Variants in ADD2 observed in about 807,000 individuals in gnomAD.
ADD2 encodes beta-adducin.
Under a neutral mutation model 83.0 loss-of-function variants are expected in ADD2, and 23 were observed. That is an observed-to-expected ratio of 0.28 (90% confidence interval 0.20 to 0.39). ADD2 has a LOEUF of 0.39. ADD2 is among the 10% of genes least tolerant of loss of function. The pLI is 1.00. For synonymous variants in ADD2, 375 were observed against 375.4 expected (o/e 1.00, Z 0.01); for missense variants, 758 against 944.9 (o/e 0.80, Z 2.59).
At chr2:70,707,152 T>C (rs1386750987) in intron 2 of ADD2, among the ~76,000 whole-genome samples, 1 of 152,240 alleles carries the variant, frequency 6.6e-6, no homozygotes, top group Admixed American at 6.5e-5. Flanking sequence ...CTCTGGCCCC[T>C]GGAAAGGAAT....
intron 1 of ADD2, among the ~76,000 whole-genome samples, chr2:70,754,588 T>C (rs1674677322): frequency 6.6e-6 from 1 of 152,102 alleles, no homozygotes; most frequent in African/African-American, 2.4e-5. Context: ...CTCCAGCTCC[T>C]GGCTAACCAT....
At chr2:70,722,955 A>T (rs1332547494) in intron 1 of ADD2, among the ~76,000 whole-genome samples, 5 of 152,210 alleles carry the variant, frequency 3.3e-5, no homozygotes, top group African/African-American at 1.2e-4. Context: ...AACACTCCCA[A>T]ATCTGCCATT....
intron 1 of ADD2, among the ~76,000 whole-genome samples, chr2:70,753,420 A>AG (rs1674614013): frequency 6.6e-6 from 1 of 152,010 alleles, no homozygotes; most frequent in South Asian, 2.1e-4. Context: ...AAATGGGAGG[A>AG]GGGGGGAAGG....
In ADD2 at chr2:70,672,937, C is replaced by G. The variant is rs950630295; in HGVS notation, c.1811G>C (p.Ser604Thr). 1.9e-6 allele frequency: 3 copies of G among 1,613,820 alleles called. No individual in the cohort carries two copies. The highest frequency in any genetic ancestry group is 1.7e-5 in the Admixed American group (1 of 59,998). Residue 604 changes from serine (S) to threonine (T), a missense_variant, in exon 15 of 16, where the codon AGC becomes ACC. Coordinates refer to ENST00000264436, the MANE Select transcript of ADD2 (RefSeq NM_001617.4). ...CTTTGTCTCTGCCTCCTTCGCTGGGCTCTGCACTGGAGAAGCAGGTGCAGA... is the reference window on the plus strand; with the variant it reads ...CTTTGTCTCTGCCTCCTTCGCTGGGGTCTGCACTGGAGAAGCAGGTGCAGA... ...AKSAPASPVQ[S>T]PAKEAETKSP...
chr2:70,676,409 G>A lies in ADD2; in HGVS notation c.1593+387C>T. ...TGGATGATGTCATACCAGGCTCAGA[G>A]GTCAGAGACTCTCAGGGCTGGGCAC... On this transcript the variant is annotated intron_variant, in intron 13 of 15. Coordinates refer to ENST00000264436, the MANE Select transcript of ADD2 (RefSeq NM_001617.4). The surrounding 1 kb of genome is among the most constrained non-coding windows in gnomAD (Gnocchi z 4.8). 1 of 1,173,852 alleles carries A rather than the reference G, an allele frequency of 8.5e-7. No individual in the cohort carries two copies. The highest frequency in any genetic ancestry group is 1.1e-6 in the Non-Finnish European group (1 of 947,094). The allele number at this position is 1,173,852 out of a possible 1,614,324, so 72.7% of individuals were successfully genotyped here.
chr2:70,716,289 T>C (rs1672463039), intron 1 of ADD2, among the ~76,000 whole-genome samples: 1 of 151,918 alleles, frequency 6.6e-6, no homozygotes, highest in Non-Finnish European at 1.5e-5. Flanking sequence ...AGATGACACC[T>C]CTATTCCCAG....
rs536984204 is a variant in ADD2 at position 70,706,894 on chromosome 2, G to A, written c.-34-452C>T. ...GGTGGAAATAGCTAATGCATGCTGG[G>A]CTTAACACCTAGGTAATGGGTTGAT... On this transcript the variant is annotated intron_variant, in intron 2 of 15. Coordinates refer to ENST00000264436, the MANE Select transcript of ADD2 (RefSeq NM_001617.4). The surrounding 1 kb of genome is among the most constrained non-coding windows in gnomAD (Gnocchi z 5.0). Among the ~76,000 whole-genome samples, 3 of 152,218 alleles carry A rather than the reference G, an allele frequency of 2.0e-5. No individual in the cohort carries two copies. The highest frequency in any genetic ancestry group is 1.9e-4 in the East Asian group (1 of 5,170).
intron 10 of ADD2, 108 bp from the exon 11 acceptor site, chr2:70,679,069 T>A: frequency 1.5e-6 from 2 of 1,314,086 alleles, no homozygotes; most frequent in Non-Finnish European, 2.1e-6. Context: ...ACTCTTCATG[T>A]AAACCCAAAT....
At chr2:70,705,990 G>A (rs1398558211) in intron 3 of ADD2, among the ~76,000 whole-genome samples, 6 of 152,246 alleles carry the variant, frequency 3.9e-5, no homozygotes, top group South Asian at 2.1e-4. Flanking sequence ...TCCTGTCTCC[G>A]TCCCACCTCC....
At chr2:70,690,138 C>T (rs1370511649) in intron 8 of ADD2, among the ~76,000 whole-genome samples, 1 of 151,972 alleles carries the variant, frequency 6.6e-6, no homozygotes, top group African/African-American at 2.4e-5. Context: ...ACTCTGTTGC[C>T]CAGGCTGGAG....
intron 1 of ADD2, among the ~76,000 whole-genome samples, chr2:70,750,063 G>T (rs546218241): frequency 6.6e-6 from 1 of 151,988 alleles, no homozygotes. Flanking sequence ...CTTTCATATC[G>T]TAGGTGCCTG....
Position 70,706,141 on chromosome 2 carries a change from G to C in ADD2, c.183+85C>G. The C allele has an allele frequency of 7.2e-7, 1 of 1,386,638 alleles. No individual in the cohort carries two copies. Among genetic ancestry groups the C allele is most frequent in the Non-Finnish European group, 1.0e-6 (1 of 998,044 alleles). 85.9% of individuals were successfully genotyped at this position (1,386,638 alleles called of 1,614,324 possible). On this transcript the variant is annotated intron_variant, in intron 3 of 15. Transcript: ENST00000264436. This position sits in a 1 kb window ranked among gnomAD's most constrained non-coding sequence, Gnocchi z 5.0. ...CTACTGACCCTGAGCAAGGGAAAGA[G>C]GAGTTACTCATCTTTCGGGTGGGTA...
chr2:70,683,806 A>T lies in ADD2; in HGVS notation c.949-39T>A, dbSNP rs782064983. 3.1e-6 allele frequency: 5 copies of T among 1,587,326 alleles called. No homozygotes were observed. In the African/African-American group the frequency reaches 4.0e-5, roughly 13 times the overall value. The stretch of plus-strand genomic sequence containing the variant: ...CAGAGAGCCCTCAGCCCATGTGCAC[A>T]TGGGTACCCTGCACTTATCTATGCT... On this transcript the variant is annotated intron_variant, in intron 9 of 15. Transcript: ENST00000264436.
At chr2:70,767,510 G>A (rs1392213012) in intron 1 of ADD2, 4 of 336,856 alleles carry the variant, frequency 1.2e-5, no homozygotes, top group Non-Finnish European at 1.8e-5. Context: ...GGAAAGAGAG[G>A]GGAGGGGAGG....
chr2:70,728,838 T>A (rs150044659), intron 1 of ADD2, among the ~76,000 whole-genome samples: 2 of 152,214 alleles, frequency 1.3e-5, no homozygotes, highest in African/African-American at 4.8e-5. Context: ...GCTTGCCTTG[T>A]CTTCCTCCCA....
At chr2:70,673,114 C>T (rs1669976902) in intron 14 of ADD2, 108 bp from the exon 15 acceptor site, 5 of 1,538,182 alleles carry the variant, frequency 3.3e-6, no homozygotes, top group Non-Finnish European at 4.4e-6. Context: ...ATCAATCCTC[C>T]TGGCTGATAA....
In ADD2 at chr2:70,698,202, TCTC is replaced by T. The variant is rs200033246; in HGVS notation, c.323-1809_323-1807del. Among the ~76,000 whole-genome samples, 1,488 of 152,236 alleles carry T rather than the reference TCTC, an allele frequency of 9.8e-3. 23 individuals carry two copies. The highest frequency in any genetic ancestry group is 0.032 in the African/African-American group (1,324 of 41,534). ...TCTATACCACAGTTCTTTGAATACT[TCTC>T]CTACAAATAACCATGGGGCCCCAGT... On this transcript the variant is annotated intron_variant, in intron 4 of 15. Coordinates refer to ENST00000264436, the MANE Select transcript of ADD2 (RefSeq NM_001617.4).
intron 15 of ADD2, among the ~76,000 whole-genome samples, chr2:70,669,516 C>T (rs1456332683): frequency 6.6e-6 from 1 of 152,248 alleles, no homozygotes; most frequent in African/African-American, 2.4e-5. Context: ...GCAGTGGACT[C>T]TGTGACTCCC....
At chr2:70,690,973 C>G (rs782254463) in intron 7 of ADD2, 44 bp from the exon 8 acceptor site, 1 of 1,583,484 alleles carries the variant, frequency 6.3e-7, no homozygotes, top group Non-Finnish European at 8.6e-7. Flanking sequence ...GCCCTCCCTG[C>G]CCTTTCCTCA....
Sources: gnomAD v4.1 joint callset for allele counts (sites outside exome capture counted in the v4.1 genomes callset) on GRCh38, gnomAD v4.1.1 for gene constraint, Gnocchi (gnomAD v3.1) non-coding constraint, MANE v1.5 for transcripts, NCBI Gene and HGNC (gene_info 2026-07-23, HGNC 2026-07-21) for gene names.